The following CSNK2A1 variants were observed in gnomAD, a reference collection of about 807,000 sequenced individuals.
The protein encoded by CSNK2A1 is casein kinase 2 alpha 1.
CSNK2A1 carries 10 observed loss-of-function variants against 62.9 expected under a neutral mutation model. The ratio of observed to expected loss-of-function variants is 0.16; its 90% confidence interval spans 0.10 to 0.27. The LOEUF (loss-of-function observed/expected upper bound fraction) is 0.27. Among genes scored for constraint, CSNK2A1 ranks in the 10% least tolerant of loss-of-function variants. The pLI, the probability that CSNK2A1 is intolerant of heterozygous loss-of-function variation, is 1.00. For missense variants in CSNK2A1, 160 were observed against 492.0 expected (o/e 0.33, Z 6.38); for synonymous variants, 124 against 167.8 (o/e 0.74, Z 2.02).
Position 508,714 on chromosome 20 carries a change from G to C in CSNK2A1, c.-109-54C>G, listed in dbSNP as rs1052003579. On this transcript the variant is annotated intron_variant, in intron 2 of 13. Coordinates refer to ENST00000217244, the MANE Select transcript of CSNK2A1 (RefSeq NM_177559.3). ...GGAATCATTTACAGAAGGTATATGG[G>C]AAGGAAATAATCTTACAAATAATAA... The C allele has an allele frequency of 4.9e-6, 3 of 613,068 alleles. No homozygotes were observed. In the African/African-American group the frequency reaches 5.6e-5, roughly 12 times the overall value. The allele number at this position is 613,068 out of a possible 1,614,324, so 38.0% of individuals were successfully genotyped here.
Position 495,815 on chromosome 20 carries a change from C to T in CSNK2A1, c.427-13G>A, listed in dbSNP as rs143048485. On this transcript the variant is annotated splice_polypyrimidine_tract_variant and intron_variant, in intron 7 of 13. Coordinates refer to ENST00000217244, the MANE Select transcript of CSNK2A1 (RefSeq NM_177559.3). ...AATAATCCAGGGCCTGTGGGATGAA[C>T]GGGTCAGAAAGGAGTTAGCCTGAAT... The T allele has an allele frequency of 8.3e-5, 134 of 1,612,030 alleles. No homozygotes were observed. The highest frequency in any genetic ancestry group is 1.1e-4 in the African/African-American group (8 of 74,998).
At chr20:507,869 A>G (rs1176270943) in intron 3 of CSNK2A1, 1 of 152,234 alleles carries the variant, frequency 6.6e-6, no homozygotes, top group Non-Finnish European at 1.5e-5. Flanking sequence ...CATACAGAAT[A>G]CCGTCATGCG....
In CSNK2A1 at chr20:480,336, A is replaced by G. The variant is rs1175199539; in HGVS notation, c.*3625T>C. Reference sequence around the variant, plus strand: ...TGGAACTACAATTTATTAAGCACCTATTATTACAAGCCAAGTAGGGTGTTA... The same window carrying G: ...TGGAACTACAATTTATTAAGCACCTGTTATTACAAGCCAAGTAGGGTGTTA... On this transcript the variant is annotated 3_prime_UTR_variant, in exon 14 of 14. Coordinates refer to ENST00000217244, the MANE Select transcript of CSNK2A1 (RefSeq NM_177559.3). The G allele has an allele frequency of 6.9e-6, 1 of 145,448 alleles. No homozygotes were observed. The highest frequency in any genetic ancestry group is 2.8e-5 in the African/African-American group (1 of 35,510). The allele number at this position is 145,448 out of a possible 1,614,324, so 9.0% of individuals were successfully genotyped here. A position where few individuals can be genotyped will look rare whatever the true frequency, so the allele number is the denominator to read the frequency against.
At chr20:534,783 C>T (rs1226328749) in intron 1 of CSNK2A1, among the ~76,000 whole-genome samples, 1 of 151,270 alleles carries the variant, frequency 6.6e-6, no homozygotes, top group African/African-American at 2.4e-5. Flanking sequence ...AATCCCAGCA[C>T]TTTGGGAGGC....
At chr20:491,060 T>C (rs2018224237) in intron 9 of CSNK2A1, among the ~76,000 whole-genome samples, 1 of 152,208 alleles carries the variant, frequency 6.6e-6, no homozygotes, top group Admixed American at 6.5e-5. Context: ...AAACTATTTT[T>C]ATGCATAAAA....
intron 4 of CSNK2A1, chr20:500,221 C>T (rs1442177649): frequency 1.6e-5 from 5 of 311,940 alleles, no homozygotes; most frequent in Non-Finnish European, 3.0e-5. Flanking sequence ...TGTTTTAAAA[C>T]ATGTTAAACA....
At chr20:487,663 A>G (rs2018128615) in intron 11 of CSNK2A1, 88 bp from the exon 12 acceptor site, 16 of 1,578,416 alleles carry the variant, frequency 1.0e-5, no homozygotes, top group Non-Finnish European at 1.2e-5. Flanking sequence ...AGTGGCTAAC[A>G]GCCCAGACAA....
chr20:499,750 A>T lies in CSNK2A1; in HGVS notation c.315+83T>A. 1 of 1,255,004 alleles carries T rather than the reference A, an allele frequency of 8.0e-7. No individual in the cohort carries two copies. The highest frequency in any genetic ancestry group is 1.2e-6 in the Non-Finnish European group (1 of 860,420). 77.7% of individuals were successfully genotyped at this position (1,255,004 alleles called of 1,614,324 possible). ...AGGACTTAATGATGAGGGTTGGGGG[A>T]GGGAACAAAAAGAGGCCAGTTGTGC... On this transcript the variant is annotated intron_variant, in intron 5 of 13. Transcript: ENST00000217244. This position sits in a 1 kb window ranked among gnomAD's most constrained non-coding sequence, Gnocchi z 4.2.
At chr20:542,440 T>C (rs1320567934) in intron 1 of CSNK2A1, among the ~76,000 whole-genome samples, 3 of 152,194 alleles carry the variant, frequency 2.0e-5, no homozygotes, top group Non-Finnish European at 2.9e-5. Flanking sequence ...CTTAGTTTTC[T>C]TTTTTCTTTT....
At chr20:493,809 T>C (rs578119941) in intron 8 of CSNK2A1, among the ~76,000 whole-genome samples, 1 of 152,286 alleles carries the variant, frequency 6.6e-6, no homozygotes, top group East Asian at 1.9e-4. Flanking sequence ...GCTCTTTATC[T>C]CTATCATTTT....
At chr20:511,728 A>ACACACC (rs1431460753) in intron 2 of CSNK2A1, among the ~76,000 whole-genome samples, 2 of 144,352 alleles carry the variant, frequency 1.4e-5, no homozygotes, top group East Asian at 4.3e-4. Context: ...ACACACACAC[A>ACACACC]CACCACATTT....
intron 1 of CSNK2A1, among the ~76,000 whole-genome samples, chr20:537,247 G>A (rs1234550122): frequency 6.6e-6 from 1 of 152,108 alleles, no homozygotes; most frequent in Non-Finnish European, 1.5e-5. Context: ...CTTGTACCTT[G>A]GTATTTAACC....
chr20:485,112 A>T (rs1370579094), intron 13 of CSNK2A1, among the ~76,000 whole-genome samples: 2 of 40,450 alleles, frequency 4.9e-5, no homozygotes, highest in Non-Finnish European at 8.9e-5. Context: ...AAAAAAAAAT[A>T]TATATATATA....
In CSNK2A1 at chr20:534,971, T is replaced by C. The variant is rs560854896; in HGVS notation, c.-226-6922A>G. Reference sequence around the variant, plus strand: ...ATTGCTTGAACCCGGGAGGTGGAGGTTGCAGTGAGCCAAGGTCGTGCCACT... The same window carrying C: ...ATTGCTTGAACCCGGGAGGTGGAGGCTGCAGTGAGCCAAGGTCGTGCCACT... On this transcript the variant is annotated intron_variant, in intron 1 of 13. Transcript: ENST00000217244. Among the ~76,000 whole-genome samples, 46 of 129,234 alleles carry C rather than the reference T, an allele frequency of 3.6e-4. No homozygotes were observed. The South Asian group carries it at 0.01, about 29-fold the overall frequency. The allele number at this position is 129,234 out of a possible 152,430, so 84.8% of individuals were successfully genotyped here.
chr20:475,585 GGTTT>G lies in CSNK2A1; in HGVS notation c.*8372_*8375del, dbSNP rs905038825. On this transcript the variant is annotated 3_prime_UTR_variant, in exon 14 of 14. Transcript: ENST00000217244. ...GAATAGTATGGCTGATTGCATTATT[GGTTT>G]GTTTCTTCATTCCCCTGTAATAAGA... The G allele has an allele frequency of 6.6e-6, 1 of 151,810 alleles. No homozygotes were observed. 9.4% of individuals were successfully genotyped at this position (151,810 alleles called of 1,614,324 possible). A position where few individuals can be genotyped will look rare whatever the true frequency, so the allele number is the denominator to read the frequency against.
chr20:531,572 A>AT (rs550920106), intron 1 of CSNK2A1, among the ~76,000 whole-genome samples: 4,017 of 151,634 alleles, frequency 0.026, 63 homozygotes, highest in Admixed American at 0.046. Context: ...GTACATGTAC[A>AT]TTTTTTTTTG....
In CSNK2A1 at chr20:473,737, TTG is replaced by T. The variant is rs776508810; in HGVS notation, c.*10222_*10223del. The T allele has an allele frequency of 3.9e-5, 6 of 152,294 alleles. No homozygotes were observed. Among genetic ancestry groups the T allele is most frequent in the Non-Finnish European group, 8.8e-5 (6 of 68,070 alleles). The allele number at this position is 152,294 out of a possible 1,614,324, so 9.4% of individuals were successfully genotyped here. ...GACCCAGTCCCTCACCAGTGTCCAC[TTG>T]TGTTTACCAGGTAACCAGTGCCCAT... On this transcript the variant is annotated 3_prime_UTR_variant, in exon 14 of 14. Coordinates refer to ENST00000217244, the MANE Select transcript of CSNK2A1 (RefSeq NM_177559.3).
chr20:478,690 A>G lies in CSNK2A1; in HGVS notation c.*5271T>C. 1 of 416,034 alleles carries G rather than the reference A, an allele frequency of 2.4e-6. No individual in the cohort carries two copies. The highest frequency in any genetic ancestry group is 4.8e-6 in the Non-Finnish European group (1 of 210,204). 25.8% of individuals were successfully genotyped at this position (416,034 alleles called of 1,614,324 possible). ...ATGCCTCTAATCTCAGCACTTTGGG[A>G]GGCCAAGGCGGGTAGACTGTTGAGC... On this transcript the variant is annotated 3_prime_UTR_variant, in exon 14 of 14. Transcript: ENST00000217244.
Position 482,898 on chromosome 20 carries a change from T to C in CSNK2A1, c.*1063A>G, listed in dbSNP as rs1366556069. 1 of 152,576 alleles carries C rather than the reference T, an allele frequency of 6.6e-6. No homozygotes were observed. The highest frequency in any genetic ancestry group is 1.9e-4 in the East Asian group (1 of 5,204). The allele number at this position is 152,576 out of a possible 1,614,324, so 9.5% of individuals were successfully genotyped here. On this transcript the variant is annotated 3_prime_UTR_variant, in exon 14 of 14. Transcript: ENST00000217244. ...CTCTGCTCCTACCTCTCAAGATACA[T>C]TTACAAGACTGAGGAGCAGGTCTTC...
Sources: gnomAD v4.1 joint callset for allele counts (sites outside exome capture counted in the v4.1 genomes callset) on GRCh38, gnomAD v4.1.1 for gene constraint, Gnocchi (gnomAD v3.1) non-coding constraint, MANE v1.5 for transcripts, NCBI Gene and HGNC (gene_info 2026-07-23, HGNC 2026-07-21) for gene names.